ZNF469: variants seen among roughly 807,000 people sequenced by gnomAD.
ZNF469 encodes zinc finger protein 469.
A neutral mutation model predicts 1.0 loss-of-function variants in ZNF469; 1 was observed. That is an observed-to-expected ratio of 1.00 (90% CI 0.35 to 4.73). ZNF469 has a LOEUF of 4.73. ZNF469 is among the 30% of genes most tolerant of loss of function. The probability of loss-of-function intolerance (pLI) is 0.16; values close to 1 mark genes in which losing one functional copy is unlikely to be tolerated. For missense variants in ZNF469, 6,100 were observed against 5,356.3 expected (o/e 1.14, Z -4.33); for synonymous variants, 2,703 against 2,363.4 (o/e 1.14, Z -4.17).
chr16:88,146,495 G>A, the ZNF469 span, among the ~76,000 whole-genome samples: 1 of 152,132 alleles, frequency 6.6e-6, no homozygotes, highest in Non-Finnish European at 1.5e-5. Context: ...TGAGGCCCGG[G>A]GAGAGTGGCA....
the ZNF469 span, among the ~76,000 whole-genome samples, chr16:88,310,031 G>A: frequency 7.2e-5 from 11 of 152,294 alleles, no homozygotes; most frequent in South Asian, 2.3e-3. Flanking sequence ...AGCAATAACA[G>A]GTGTGCAATT....
At chr16:88,193,258 A>G in the ZNF469 span, among the ~76,000 whole-genome samples, 143 of 68,672 alleles carry the variant, frequency 2.1e-3, no homozygotes, top group Non-Finnish European at 2.4e-3. Flanking sequence ...GATGGTGGTG[A>G]TGGTGGTAGT....
At chr16:88,227,069 C>A in the ZNF469 span, among the ~76,000 whole-genome samples, 13 of 143,084 alleles carry the variant, frequency 9.1e-5, no homozygotes, top group Admixed American at 2.1e-4. Flanking sequence ...CTGCGCGTTT[C>A]CACCCGTGCC....
chr16:88,165,019 T>C, the ZNF469 span, among the ~76,000 whole-genome samples: 3 of 152,046 alleles, frequency 2.0e-5, no homozygotes, highest in Non-Finnish European at 4.4e-5. Context: ...CCCCCACAGG[T>C]GGTGTGCCCC....
the ZNF469 span, among the ~76,000 whole-genome samples, chr16:88,360,808 G>C: frequency 1.3e-5 from 2 of 151,810 alleles, no homozygotes; most frequent in Admixed American, 1.3e-4. Flanking sequence ...GTGCCCGCGT[G>C]CTCTCTCAAA....
intron 1 of ZNF469, among the ~76,000 whole-genome samples, chr16:88,420,097 G>A (rs1905413237): frequency 6.6e-6 from 1 of 152,224 alleles, no homozygotes; most frequent in African/African-American, 2.4e-5. Flanking sequence ...GGGAAGACAG[G>A]GCACATGCAC....
intron 1 of ZNF469, among the ~76,000 whole-genome samples, chr16:88,390,296 G>A (rs1904451632): frequency 6.6e-6 from 1 of 152,144 alleles, no homozygotes. Context: ...ATGGGAGTAG[G>A]GGCACCCACC....
At chr16:88,394,543 G>T (rs530848184) in intron 1 of ZNF469, among the ~76,000 whole-genome samples, 1 of 152,348 alleles carries the variant, frequency 6.6e-6, no homozygotes, top group East Asian at 1.9e-4. Flanking sequence ...CACAAGAGGT[G>T]CCCGTGGCCA....
Position 88,387,523 on chromosome 16 carries a change from G to T in ZNF469, c.-192+4269G>T, listed in dbSNP as rs972852439. On this transcript the variant is annotated intron_variant, in intron 1 of 2. Transcript: ENST00000565624. ...ACCAGAAAGTGAGACCAGCGACAAC[G>T]CTGGGGGCGGCTTGGGGGCTGTGAC... Among the ~76,000 whole-genome samples, 6 of 152,328 alleles carry T rather than the reference G, an allele frequency of 3.9e-5. No homozygotes were observed. The South Asian group carries it at 1.2e-3, about 32-fold the overall frequency.
intron 1 of ZNF469, among the ~76,000 whole-genome samples, chr16:88,396,365 TTGAAGGGAGGCCAGGCAGAGACCCATC>T (rs1211749625): frequency 6.8e-6 from 1 of 146,158 alleles, no homozygotes; most frequent in African/African-American, 2.5e-5. Flanking sequence ...GGAGACCCTC[TTGAAGGGAGGCCAGGCAGAGACCCATC>T]TGAAGGGAGG....
chr16:88,118,933 C>T, the ZNF469 span, among the ~76,000 whole-genome samples: 1 of 152,164 alleles, frequency 6.6e-6, no homozygotes, highest in African/African-American at 2.4e-5. Context: ...AGATGCAGTT[C>T]ACTTGTGTTT....
At chr16:88,157,038 T>G in the ZNF469 span, among the ~76,000 whole-genome samples, 1 of 152,236 alleles carries the variant, frequency 6.6e-6, no homozygotes, top group Non-Finnish European at 1.5e-5. Context: ...GTGCCGGGGT[T>G]TCCTTGCTGG....
chr16:88,414,760 C>T (rs888198972), intron 1 of ZNF469, among the ~76,000 whole-genome samples: 18 of 152,368 alleles, frequency 1.2e-4, no homozygotes, highest in East Asian at 7.7e-4. Flanking sequence ...AGTGCCCGGG[C>T]GGCACAGGGC....
rs1176688628 is a variant in ZNF469 at position 88,428,601 on chromosome 16, C to T, written c.1131C>T (p.Thr377=). The T allele has an allele frequency of 6.5e-7, 1 of 1,550,108 alleles. No homozygotes were observed. ...PFSDSLHKSL[T]KILPERPPSA... ...CTGACAGTTTACACAAGAGCCTGAC[C>T]AAAATCCTTCCCGAAAGACCACCTT... The change falls in exon 3 of 3, where the codon ACC becomes ACT. Residue 377 remains threonine (T), a synonymous_variant. Transcript: ENST00000565624.
At position 88,427,671 on chromosome 16, in the gene ZNF469, G is replaced by A. The variant is rs1480556450; in HGVS notation, c.201G>A (p.Gln67=). 1.0e-5 allele frequency: 16 copies of A among 1,535,344 alleles called. No homozygotes were observed. Among genetic ancestry groups the A allele is most frequent in the Non-Finnish European group, 1.3e-5 (15 of 1,144,332 alleles). The change falls in exon 3 of 3, where the codon CAG becomes CAA. Residue 67 remains glutamine, a synonymous_variant. Transcript: ENST00000565624. The part of the protein sequence containing the change: ...AMELPEAQPR[Q]ARDGELKPPS... Reference sequence around the variant, plus strand: ...AGCTCCCCGAGGCCCAGCCAAGGCAGGCCAGGGACGGGGAGCTCAAGCCCC... The same window carrying A: ...AGCTCCCCGAGGCCCAGCCAAGGCAAGCCAGGGACGGGGAGCTCAAGCCCC...
the ZNF469 span, among the ~76,000 whole-genome samples, chr16:88,339,790 G>A: frequency 8.9e-6 from 1 of 112,518 alleles, no homozygotes; most frequent in Non-Finnish European, 1.9e-5. Context: ...GGTGGCAGGG[G>A]GATGGGGGGA....
chr16:88,223,345 T>C, the ZNF469 span, among the ~76,000 whole-genome samples: 1 of 152,246 alleles, frequency 6.6e-6, no homozygotes, highest in Non-Finnish European at 1.5e-5. Context: ...ATGTAAGACA[T>C]GCCTTTTGCC....
the ZNF469 span, among the ~76,000 whole-genome samples, chr16:88,114,159 C>T: frequency 6.6e-6 from 1 of 151,914 alleles, no homozygotes; most frequent in Non-Finnish European, 1.5e-5. Context: ...GCCACACTCC[C>T]TGACTGCGGG....
chr16:88,256,988 G>A, the ZNF469 span, among the ~76,000 whole-genome samples: 3 of 133,416 alleles, frequency 2.2e-5, no homozygotes, highest in Non-Finnish European at 4.7e-5. Context: ...CACTCTTGTT[G>A]CCCATGCTGG....
Sources: gnomAD v4.1 joint callset for allele counts (sites outside exome capture counted in the v4.1 genomes callset) on GRCh38, gnomAD v4.1.1 for gene constraint, MANE v1.5 for transcripts, NCBI Gene and HGNC (gene_info 2026-07-23, HGNC 2026-07-21) for gene names.